The following INSYN1 variants were observed in gnomAD, a reference collection of about 807,000 sequenced individuals.
The protein encoded by INSYN1 is UPF0583 protein C15orf59.
In INSYN1, 7 loss-of-function variants were observed where a neutral mutation model predicts 17.1. The observed-to-expected ratio is 0.41, with a 90% CI of 0.23 to 0.77. The LOEUF is 0.77. Ranked by LOEUF, INSYN1 falls within the 30% of genes least tolerant of loss-of-function variation. The pLI is 0.32. For synonymous variants in INSYN1, 174 were observed against 166.3 expected (o/e 1.05, Z -0.36); for missense variants, 339 against 400.6 (o/e 0.85, Z 1.31).
chr15:73,749,183 A>G (rs1901913178), intron 2 of INSYN1, among the ~76,000 whole-genome samples: 1 of 152,178 alleles, frequency 6.6e-6, no homozygotes, highest in Admixed American at 6.5e-5. Flanking sequence ...GGCCCCTGTC[A>G]AAATGCAAAG....
Position 73,740,652 on chromosome 15 carries a change from G to A in INSYN1, c.157-10C>T, listed in dbSNP as rs769724208. 100 of 1,597,110 alleles carry A rather than the reference G, an allele frequency of 6.3e-5. No homozygotes were observed. Among genetic ancestry groups the A allele is most frequent in the Non-Finnish European group, 8.2e-5 (96 of 1,170,454 alleles). ...CGATCTGGCTCACCACCTGACCAGG[G>A]AAGGGGAGAGGAGATGAGAGGGGCC... On this transcript the variant is annotated splice_polypyrimidine_tract_variant and intron_variant, in intron 2 of 2. Transcript: ENST00000569673.
In INSYN1 at chr15:73,737,828, G is replaced by A. The variant is rs1901571558; in HGVS notation, c.*2089C>T. On this transcript the variant is annotated 3_prime_UTR_variant, in exon 3 of 3. Coordinates refer to ENST00000569673, the MANE Select transcript of INSYN1 (RefSeq NM_001039614.3). ...AGGCCCCCTCCGGACAGACGCTGGG[G>A]GGCTGTAAACCTGCCTTAATTGAAA... 1 of 152,232 alleles carries A rather than the reference G, an allele frequency of 6.6e-6. No homozygotes were observed. The highest frequency in any genetic ancestry group is 2.4e-5 in the African/African-American group (1 of 41,450). 9.4% of individuals were successfully genotyped at this position (152,232 alleles called of 1,614,324 possible).
At chr15:73,751,964 C>A (rs1165138317) in intron 1 of INSYN1, 146 bp downstream of exon 1, 6 of 150,962 alleles carry the variant, frequency 4.0e-5, no homozygotes, top group Non-Finnish European at 8.9e-5. Context: ...CACCTTCCCC[C>A]CAGCCAGGCC....
rs764736416 is a variant in INSYN1, at chr15:73,740,376, G to C, written c.423C>G (p.Leu141=). ...TGGGGATGGGCGTGCCACCATTCAT[G>C]AGGCGGTAGTCAGGGCCAGCCCCTG... The part of the protein sequence containing the change: ...TRPGAGPDYR[L]MNGGTPIPNG... Residue 141 remains leucine, a synonymous_variant, in exon 3 of 3, where the codon CTC becomes CTG. Coordinates refer to ENST00000569673, the MANE Select transcript of INSYN1 (RefSeq NM_001039614.3). 61 of 1,607,458 alleles carry C rather than the reference G, an allele frequency of 3.8e-5. No homozygotes were observed. The highest frequency in any genetic ancestry group is 5.2e-5 in the Non-Finnish European group (61 of 1,176,650).
chr15:73,751,206 C>T lies in INSYN1; in HGVS notation c.-76G>A. Reference sequence around the variant, plus strand: ...CACTGCGTCTGCCTCCACGGAGCCCCCCTCGGCTGGGCAGAGCTCCACATT... The same window carrying T: ...CACTGCGTCTGCCTCCACGGAGCCCTCCTCGGCTGGGCAGAGCTCCACATT... On this transcript the variant is annotated 5_prime_UTR_variant, in exon 2 of 3. Transcript: ENST00000569673. 1.3e-6 allele frequency: 2 copies of T among 1,549,798 alleles called. No individual in the cohort carries two copies. The highest frequency in any genetic ancestry group is 1.8e-6 in the Non-Finnish European group (2 of 1,142,298).
At position 73,737,924 on chromosome 15, in the gene INSYN1, G is replaced by A. The variant is rs895187141; in HGVS notation, c.*1993C>T. ...CCAGTCCCACCTCCCTGCTCTGAGC[G>A]AGGGGCTGTGAATCAAGCTGCAGTC... On this transcript the variant is annotated 3_prime_UTR_variant, in exon 3 of 3. Coordinates refer to ENST00000569673, the MANE Select transcript of INSYN1 (RefSeq NM_001039614.3). 7 of 152,238 alleles carry A rather than the reference G, an allele frequency of 4.6e-5. No homozygotes were observed. Among genetic ancestry groups the A allele is most frequent in the African/African-American group, 7.2e-5 (3 of 41,446 alleles). The allele number at this position is 152,238 out of a possible 1,614,324, so 9.4% of individuals were successfully genotyped here. A position where few individuals can be genotyped will look rare whatever the true frequency, so the allele number is the denominator to read the frequency against.
At chr15:73,741,119 A>G (rs1901681517) in intron 2 of INSYN1, among the ~76,000 whole-genome samples, 1 of 152,206 alleles carries the variant, frequency 6.6e-6, no homozygotes, top group Non-Finnish European at 1.5e-5. Context: ...GGTGATCACA[A>G]GGAAGACCCT....
chr15:73,740,058 G>T lies in INSYN1; in HGVS notation c.741C>A (p.Ser247Arg). 1 of 1,613,610 alleles carries T rather than the reference G, an allele frequency of 6.2e-7. No homozygotes were observed. The highest frequency in any genetic ancestry group is 8.5e-7 in the Non-Finnish European group (1 of 1,179,800). The change falls in exon 3 of 3, where the codon AGC (serine) becomes AGA (arginine). Residue 247 changes from serine (S) to arginine (R), a missense_variant. Ser to Arg is a moderately radical substitution (Grantham distance 110). Coordinates refer to ENST00000569673, the MANE Select transcript of INSYN1 (RefSeq NM_001039614.3). ...PYKSRRSPLT[S>R]RHSGSTLAPE... The stretch of plus-strand genomic sequence containing the variant: ...GGGCCAAGGTAGAGCCTGAGTGGCG[G>T]CTGGTCAGTGGAGAGCGCCGTGACT...
chr15:73,740,742 G>T, intron 2 of INSYN1, 100 bp from the exon 3 acceptor site: 1 of 964,642 alleles, frequency 1.0e-6, no homozygotes, highest in South Asian at 1.5e-5. Context: ...ACCCCTGGCT[G>T]ATGAGCGTAC....
At chr15:73,744,381 C>T (rs1489411257) in intron 2 of INSYN1, among the ~76,000 whole-genome samples, 1 of 152,208 alleles carries the variant, frequency 6.6e-6, no homozygotes, top group East Asian at 1.9e-4. Context: ...GTTCTAAAAA[C>T]CAACTGGCTA....
intron 2 of INSYN1, among the ~76,000 whole-genome samples, chr15:73,745,156 A>G (rs1240879662): frequency 1.3e-5 from 2 of 152,020 alleles, no homozygotes; most frequent in East Asian, 3.9e-4. Context: ...GCACCTAGGG[A>G]ACTTTCTTAT....
rs141215993 is a variant in INSYN1, at chr15:73,745,392, G to A, written c.157-4750C>T. ...CCCTCCCTCCTTTCCTACTCACTCC[G>A]TCTTCACTTCGAGAAGGAAGCCTTC... On this transcript the variant is annotated intron_variant, in intron 2 of 2. Coordinates refer to ENST00000569673, the MANE Select transcript of INSYN1 (RefSeq NM_001039614.3). Among the ~76,000 whole-genome samples the A allele has an allele frequency of 5.5e-3, 833 of 152,042 alleles. 3 individuals are homozygous for A. Among genetic ancestry groups the A allele is most frequent in the Non-Finnish European group, 5.8e-3 (396 of 68,008 alleles).
In INSYN1 at chr15:73,738,026, G is replaced by C. The variant is rs547937554; in HGVS notation, c.*1891C>G. The C allele has an allele frequency of 3.3e-5, 5 of 152,434 alleles. No individual in the cohort carries two copies. The East Asian group carries it at 9.6e-4, about 29-fold the overall frequency. The allele number at this position is 152,434 out of a possible 1,614,324, so 9.4% of individuals were successfully genotyped here. ...CCCAGGGGTGGCTCCCAGTTGGATG[G>C]AGGTGTCTTCTTTGGCCATCCCACT... On this transcript the variant is annotated 3_prime_UTR_variant, in exon 3 of 3. Transcript: ENST00000569673.
At chr15:73,743,380 A>G (rs1217230927) in intron 2 of INSYN1, among the ~76,000 whole-genome samples, 1 of 152,162 alleles carries the variant, frequency 6.6e-6, no homozygotes, top group Non-Finnish European at 1.5e-5. Flanking sequence ...GAGGAAAGAG[A>G]AAGAGGGAGG....
chr15:73,735,813 G>C lies in INSYN1; in HGVS notation c.*4104C>G, dbSNP rs1017023351. 6.6e-6 allele frequency: 1 copy of C among 152,240 alleles called. No homozygotes were observed. The highest frequency in any genetic ancestry group is 6.5e-5 in the Admixed American group (1 of 15,278). 9.4% of individuals were successfully genotyped at this position (152,240 alleles called of 1,614,324 possible). On this transcript the variant is annotated 3_prime_UTR_variant, in exon 3 of 3. Transcript: ENST00000569673. ...CCCAGAGCCTCAGTTTCCTCATCTGGAAGCTACTTAGACATAAGTAAGATT... is the reference window on the plus strand; with the variant it reads ...CCCAGAGCCTCAGTTTCCTCATCTGCAAGCTACTTAGACATAAGTAAGATT...
intron 2 of INSYN1, among the ~76,000 whole-genome samples, chr15:73,743,812 GA>G (rs1324488297): frequency 1.4e-5 from 1 of 73,366 alleles, no homozygotes; most frequent in Non-Finnish European, 2.6e-5. Flanking sequence ...CCTGGCAACA[GA>G]GAGAGACTCT....
At chr15:73,749,025 G>C (rs1901908934) in intron 2 of INSYN1, among the ~76,000 whole-genome samples, 1 of 152,224 alleles carries the variant, frequency 6.6e-6, no homozygotes, top group Non-Finnish European at 1.5e-5. Flanking sequence ...TGAGGCCTCT[G>C]GGCTGCATAG....
Position 73,742,825 on chromosome 15 carries a change from AG to A in INSYN1, c.157-2184del, listed in dbSNP as rs1437618293. Among the ~76,000 whole-genome samples, 160 of 152,188 alleles carry A rather than the reference AG, an allele frequency of 1.1e-3. 1 individual carries two copies. The East Asian group carries it at 0.029, about 28-fold the overall frequency. ...GCACTGGCCTAGCGTAGGGACACTCAGACTTGAGTGTCCCTCAGCTCACTCC... is the reference window on the plus strand; with the variant it reads ...GCACTGGCCTAGCGTAGGGACACTCAACTTGAGTGTCCCTCAGCTCACTCC... On this transcript the variant is annotated intron_variant, in intron 2 of 2. Coordinates refer to ENST00000569673, the MANE Select transcript of INSYN1 (RefSeq NM_001039614.3).
intron 2 of INSYN1, among the ~76,000 whole-genome samples, chr15:73,743,591 G>A (rs533426476): frequency 2.1e-4 from 32 of 151,916 alleles, no homozygotes; most frequent in Non-Finnish European, 3.4e-4. Flanking sequence ...AGGCCGAGGC[G>A]GGCAGATCAT....
Sources: gnomAD v4.1 joint callset for allele counts (sites outside exome capture counted in the v4.1 genomes callset) on GRCh38, gnomAD v4.1.1 for gene constraint, MANE v1.5 for transcripts, NCBI Gene and HGNC (gene_info 2026-07-23, HGNC 2026-07-21) for gene names.